ZNF544: variants seen among roughly 807,000 people sequenced by gnomAD.
ZNF544 encodes zinc finger protein AF020591.
In ZNF544, 10 loss-of-function variants were observed where a neutral mutation model predicts 13.5. That is an observed-to-expected ratio of 0.74 (90% CI 0.46 to 1.25). ZNF544 has a LOEUF of 1.25. ZNF544 is among the 50% of genes most tolerant of loss of function. The probability of loss-of-function intolerance (pLI) is 0.00; values close to 1 mark genes in which losing one functional copy is unlikely to be tolerated. For synonymous variants in ZNF544, 323 were observed against 300.5 expected (o/e 1.07, Z -0.77); for missense variants, 896 against 845.6 (o/e 1.06, Z -0.74).
intron 5 of ZNF544, among the ~76,000 whole-genome samples, chr19:58,269,738 T>C (rs750864543): frequency 1.3e-5 from 2 of 151,890 alleles, no homozygotes; most frequent in Non-Finnish European, 2.9e-5. Flanking sequence ...CTGGCCAAGA[T>C]GGTGAAACCC....
chr19:58,259,155 G>A (rs1055007480), intron 6 of ZNF544: 6 of 152,228 alleles, frequency 3.9e-5, no homozygotes, highest in African/African-American at 1.4e-4. Flanking sequence ...AGTGGCAAAC[G>A]GTGGAGCCCA....
intron 6 of ZNF544, chr19:58,258,496 C>CGGGTGTG (rs2048129585): frequency 1.1e-5 from 1 of 87,922 alleles, no homozygotes; most frequent in African/African-American, 5.9e-5. Flanking sequence ...GCGAGGGCAC[C>CGGGTGTG]AGGTGTGAGG....
intron 6 of ZNF544, among the ~76,000 whole-genome samples, chr19:58,254,386 C>T (rs368628882): frequency 2.0e-5 from 3 of 152,116 alleles, no homozygotes; most frequent in East Asian, 1.9e-4. Context: ...CAAATTTATT[C>T]CAGTCGTTGA....
rs1240394606 is a variant in ZNF544, at chr19:58,246,510, C to G, written c.160+83C>G. 486 of 1,561,944 alleles carry G rather than the reference C, an allele frequency of 3.1e-4. 2 individuals are homozygous for G. The highest frequency in any genetic ancestry group is 6.0e-5 in the Non-Finnish European group (69 of 1,150,246). On this transcript the variant is annotated intron_variant, in intron 5 of 6. Transcript: ENST00000687789. ...GTTCTGAAGGGTGTTCTGGGATGTG[C>G]TGGAAGATACTGGAAGCAGGTCCCT...
rs1441043636 is a variant in ZNF544 at position 58,262,660 on chromosome 19, A to G, written c.2054A>G (p.Glu685Gly). The change falls in exon 7 of 7, where the codon GAG becomes GGG. Residue 685 changes from glutamate (E) to glycine (G), a missense_variant. By Grantham distance (98) the Glu-to-Gly change is moderately conservative. Coordinates refer to ENST00000687789, the MANE Select transcript of ZNF544 (RefSeq NM_014480.4). ...LLSHHRIHSG[E>G]KPYECSDCGK... ...TCCCATCACAGAATTCATTCTGGAG[A>G]GAAACCCTATGAATGTAGTGACTGT... 2 of 1,614,128 alleles carry G rather than the reference A, an allele frequency of 1.2e-6. No individual in the cohort carries two copies. Among genetic ancestry groups the G allele is most frequent in the South Asian group, 1.1e-5 (1 of 91,090 alleles).
chr19:58,273,607 T>C (rs573380013), intron 5 of ZNF544, among the ~76,000 whole-genome samples: 3 of 151,204 alleles, frequency 2.0e-5, no homozygotes, highest in Non-Finnish European at 4.4e-5. Flanking sequence ...GGAGAATCGC[T>C]TGAACCCGGG....
chr19:58,272,959 A>C (rs559442788), intron 5 of ZNF544, among the ~76,000 whole-genome samples: 2 of 151,774 alleles, frequency 1.3e-5, no homozygotes, highest in South Asian at 4.2e-4. Context: ...CGAGTTGGGC[A>C]GATTGCAAGT....
At chr19:58,267,315 G>A (rs2050041908), downstream of ZNF544, among the ~76,000 whole-genome samples, 1 of 151,844 alleles carries the variant, frequency 6.6e-6, no homozygotes, top group Non-Finnish European at 1.5e-5. Context: ...ACCCACCTTG[G>A]CCTCCCAAAG....
At chr19:58,273,788 A>G (rs1184471715) in intron 5 of ZNF544, among the ~76,000 whole-genome samples, 1 of 150,698 alleles carries the variant, frequency 6.6e-6, no homozygotes, top group Non-Finnish European at 1.5e-5. Context: ...GACCCTAAAC[A>G]GTTTTTGTTT....
rs57148438 is a variant in ZNF544, at chr19:58,275,783, C to CAAAAAAAAAA, written c.245-530_245-521dup. Among the ~76,000 whole-genome samples the CAAAAAAAAAA allele has an allele frequency of 4.7e-4, 31 of 66,194 alleles. 1 individual carries two copies. Among genetic ancestry groups the CAAAAAAAAAA allele is most frequent in the African/African-American group, 1.3e-3 (21 of 16,582 alleles). The allele number at this position is 66,194 out of a possible 152,430, so 43.4% of individuals were successfully genotyped here. A position where few individuals can be genotyped will look rare whatever the true frequency, so the allele number is the denominator to read the frequency against. ...GTGGGCAACAGGTGAGACCCTGTCT[C>CAAAAAAAAAA]AAAAAAAAAAAAAAAAAAAGGAAAG... On this transcript the variant is annotated intron_variant, in intron 5 of 6. Coordinates refer to the ZNF544 transcript ENST00000595981.
rs1401202884 is a variant in ZNF544, at chr19:58,262,436, AAAAGCCTT to A, written c.1831_1838del (p.Lys611GlnfsTer26). ...AGCCCTATGAATGTAACGAGTGTGG[AAAAGCCTT>A]CAATCGAAGCACTCAGCTCATCAGG... On this transcript the variant is annotated frameshift_variant, in exon 7 of 7. Transcript: ENST00000687789. LOFTEE classifies it low-confidence loss of function (END_TRUNC). 1 of 1,614,176 alleles carries A rather than the reference AAAAGCCTT, an allele frequency of 6.2e-7. No individual in the cohort carries two copies. The highest frequency in any genetic ancestry group is 8.5e-7 in the Non-Finnish European group (1 of 1,180,038).
chr19:58,256,385 G>A (rs924949923), intron 6 of ZNF544, among the ~76,000 whole-genome samples: 3 of 151,942 alleles, frequency 2.0e-5, no homozygotes, highest in East Asian at 1.9e-4. Context: ...CCAAAGAGAC[G>A]GCTAATGCTC....
At chr19:58,256,279 C>CTT (rs58025656) in intron 6 of ZNF544, among the ~76,000 whole-genome samples, 1 of 145,982 alleles carries the variant, frequency 6.9e-6, no homozygotes, top group African/African-American at 2.5e-5. Context: ...TGTTCTTTTA[C>CTT]TTTTTTTTTT....
intron 5 of ZNF544, among the ~76,000 whole-genome samples, chr19:58,272,076 G>A (rs1008648625): frequency 3.3e-5 from 5 of 151,282 alleles, no homozygotes; most frequent in African/African-American, 4.9e-5. Context: ...CAGGAGAATC[G>A]CTGGAACCCG....
At chr19:58,264,460 G>A (rs4801260), downstream of ZNF544, among the ~76,000 whole-genome samples, 1,541 of 151,656 alleles carry the variant, frequency 0.01, 79 homozygotes, top group Admixed American at 0.073. Context: ...GGGAGGCTGA[G>A]GTGGGTGGAT....
Position 58,262,931 on chromosome 19 carries a change from A to G in ZNF544, c.*177A>G. 1 of 1,438,706 alleles carries G rather than the reference A, an allele frequency of 7.0e-7. No individual in the cohort carries two copies. The highest frequency in any genetic ancestry group is 9.1e-7 in the Non-Finnish European group (1 of 1,102,308). The allele number at this position is 1,438,706 out of a possible 1,614,324, so 89.1% of individuals were successfully genotyped here. A position where few individuals can be genotyped will look rare whatever the true frequency, so the allele number is the denominator to read the frequency against. On this transcript the variant is annotated 3_prime_UTR_variant, in exon 7 of 7. Coordinates refer to ENST00000687789, the MANE Select transcript of ZNF544 (RefSeq NM_014480.4). ...GCCCTACGAATGCATTGATTGTGGG[A>G]AAGCCTTCAATGATCGCTCAACCCT...
At chr19:58,241,921 T>TTCTCTCTCTCTCTCTC (rs143693031) in intron 3 of ZNF544, among the ~76,000 whole-genome samples, 1 of 149,602 alleles carries the variant, frequency 6.7e-6, no homozygotes, top group East Asian at 2.0e-4. Flanking sequence ...TGCTGTTCAC[T>TTCTCTCTCTCTCTCTC]TCTCTCTCTC....
intron 5 of ZNF544, among the ~76,000 whole-genome samples, chr19:58,270,109 C>T (rs187670054): frequency 1.3e-5 from 2 of 152,198 alleles, no homozygotes; most frequent in East Asian, 3.9e-4. Context: ...ACAAATTCTG[C>T]TAGATGGTTA....
rs762278109 is a variant in ZNF544 at position 58,262,664 on chromosome 19, A to C, written c.2058A>C (p.Lys686Asn). Reference protein sequence around the residue: ...LSHHRIHSGEKPYECSDCGKS... With the variant: ...LSHHRIHSGENPYECSDCGKS... ...ATCACAGAATTCATTCTGGAGAGAA[A>C]CCCTATGAATGTAGTGACTGTGGGA... The change falls in exon 7 of 7, where the codon AAA becomes AAC. Residue 686 changes from lysine to asparagine, a missense_variant. Physicochemically the swap from Lys to Asn is moderately conservative, Grantham distance 94. Coordinates refer to ENST00000687789, the MANE Select transcript of ZNF544 (RefSeq NM_014480.4). The C allele has an allele frequency of 1.9e-6, 3 of 1,613,970 alleles. No homozygotes were observed. The South Asian group carries it at 3.3e-5, about 18-fold the overall frequency.
Sources: allele counts gnomAD v4.1 joint callset (sites outside exome capture counted in the v4.1 genomes callset), GRCh38; gene constraint gnomAD v4.1.1; transcripts MANE v1.5; gene names NCBI Gene and HGNC (gene_info 2026-07-23, HGNC 2026-07-21).